Variants in PDXDC1 observed in about 807,000 individuals in gnomAD.
PDXDC1 encodes pyridoxal dependent decarboxylase domain containing 1.
In PDXDC1, 42 loss-of-function variants were observed where a neutral mutation model predicts 100.1. The observed-to-expected ratio is 0.42, with a 90% CI of 0.33 to 0.54. The LOEUF (loss-of-function observed/expected upper bound fraction) is 0.54. Ranked by LOEUF, PDXDC1 falls within the 20% of genes least tolerant of loss-of-function variation. The pLI is 0.10. For synonymous variants in PDXDC1, 260 were observed against 371.7 expected (o/e 0.70, Z 3.46); for missense variants, 636 against 979.2 (o/e 0.65, Z 4.68).
intron 12 of PDXDC1, among the ~76,000 whole-genome samples, chr16:15,021,046 C>G (rs1466691002): frequency 2.0e-5 from 3 of 152,200 alleles, no homozygotes; most frequent in African/African-American, 4.8e-5. Context: ...GCAGTAGTCC[C>G]TTCGTTCATC....
At chr16:14,992,621 G>A (rs375700566) in intron 1 of PDXDC1, among the ~76,000 whole-genome samples, 2 of 152,266 alleles carry the variant, frequency 1.3e-5, no homozygotes, top group East Asian at 3.8e-4. Context: ...TTTAAAATTT[G>A]TCTATTTTAT....
chr16:15,068,689 C>G (rs572278830), intron 16 of PDXDC1, among the ~76,000 whole-genome samples: 5 of 152,282 alleles, frequency 3.3e-5, no homozygotes, highest in Non-Finnish European at 5.9e-5. Flanking sequence ...GTTAGTGAAG[C>G]TGAGTGCTGT....
chr16:15,033,630 G>A (rs936735698), intron 19 of PDXDC1, among the ~76,000 whole-genome samples: 1 of 152,196 alleles, frequency 6.6e-6, no homozygotes, highest in African/African-American at 2.4e-5. Context: ...ACATAGCCAC[G>A]CTGTGTAGTA....
chr16:15,122,925 G>GAGA (rs1211779659), intron 16 of PDXDC1, among the ~76,000 whole-genome samples: 1 of 148,976 alleles, frequency 6.7e-6, no homozygotes, highest in South Asian at 2.2e-4. Context: ...GGAGGAGGAG[G>GAGA]AGAAGAAGAA....
In PDXDC1 at chr16:15,074,747, T is replaced by C. The variant is rs749328608; in HGVS notation, c.1399+44691T>C. 95 of 1,613,824 alleles carry C rather than the reference T, an allele frequency of 5.9e-5. No individual in the cohort carries two copies. In the Admixed American group the frequency reaches 6.2e-4, roughly 10 times the overall value. ...CCATCTACATAGCAGACATCCTTCA[T>C]GTAGGACAAAACCAAAGACATCAGG... On this transcript the variant is annotated intron_variant, in intron 16 of 16. Coordinates refer to the PDXDC1 transcript ENST00000535621.
intron 8 of PDXDC1, among the ~76,000 whole-genome samples, chr16:15,013,894 A>G (rs1349890811): frequency 2.6e-5 from 4 of 151,202 alleles, no homozygotes; most frequent in African/African-American, 9.7e-5. Flanking sequence ...AAAAAAAAAA[A>G]AAATCATACT....
Position 14,997,739 on chromosome 16 carries a change from T to G in PDXDC1, c.22-14T>G, listed in dbSNP as rs1465016601. 1 of 1,597,160 alleles carries G rather than the reference T, an allele frequency of 6.3e-7. No homozygotes were observed. Among genetic ancestry groups the G allele is most frequent in the Non-Finnish European group, 8.5e-7 (1 of 1,176,030 alleles). The stretch of plus-strand genomic sequence containing the variant: ...GATTATTAAAATTTCTTTCTTTTTT[T>G]TTTTGTTTCCCAGATAGCAGACCCC... On this transcript the variant is annotated splice_polypyrimidine_tract_variant and intron_variant, in intron 1 of 22. Transcript: ENST00000396410.
chr16:15,145,346 T>C, the PDXDC1 span, among the ~76,000 whole-genome samples: 2 of 152,230 alleles, frequency 1.3e-5, no homozygotes, highest in African/African-American at 4.8e-5. Flanking sequence ...AGGGCCACGA[T>C]GCACAGTGGA....
intron 16 of PDXDC1, chr16:15,127,593 C>T: frequency 1.0e-5 from 14 of 1,355,086 alleles, no homozygotes; most frequent in Middle Eastern, 2.5e-4. Context: ...ACACATGCCC[C>T]GTGCTGTGTG....
At chr16:15,125,881 C>T (rs557890009) in intron 16 of PDXDC1, 21 of 744,668 alleles carry the variant, frequency 2.8e-5, no homozygotes, top group East Asian at 2.3e-4. Flanking sequence ...GCCACCTCCT[C>T]AGCAGACAGG....
intron 1 of PDXDC1, among the ~76,000 whole-genome samples, chr16:14,980,469 G>A (rs546725201): frequency 7.2e-4 from 109 of 152,344 alleles, no homozygotes; most frequent in African/African-American, 2.5e-3. Flanking sequence ...TGCCACGCCC[G>A]GCTAATTTTT....
At chr16:14,987,045 G>A (rs1969539930) in intron 1 of PDXDC1, among the ~76,000 whole-genome samples, 1 of 152,296 alleles carries the variant, frequency 6.6e-6, no homozygotes, top group Non-Finnish European at 1.5e-5. Flanking sequence ...ACCATGCGTG[G>A]CCATGCTTTC....
chr16:15,125,807 C>T (rs749848340), intron 16 of PDXDC1: 3 of 1,247,898 alleles, frequency 2.4e-6, no homozygotes, highest in South Asian at 2.4e-5. Flanking sequence ...CTCCCAGCCA[C>T]CTGCAGGACG....
At chr16:15,090,287 G>A (rs1015220815) in intron 16 of PDXDC1, among the ~76,000 whole-genome samples, 1 of 152,074 alleles carries the variant, frequency 6.6e-6, no homozygotes, top group Non-Finnish European at 1.5e-5. Flanking sequence ...ACAGTGATAA[G>A]AACAGTGGAC....
intron 16 of PDXDC1, among the ~76,000 whole-genome samples, chr16:15,073,261 G>T (rs1365851380): frequency 6.6e-6 from 1 of 152,130 alleles, no homozygotes; most frequent in African/African-American, 2.4e-5. Context: ...GAGTTCAAGG[G>T]CAGCCTGGGG....
chr16:15,039,320 T>C (rs149030807), downstream of PDXDC1, among the ~76,000 whole-genome samples: 477 of 152,320 alleles, frequency 3.1e-3, 1 homozygote, highest in African/African-American at 0.011. Flanking sequence ...TCCAAACACA[T>C]TTCCCAGTGA....
At chr16:15,134,992 A>T (rs1185244651) in intron 16 of PDXDC1, 2 of 421,036 alleles carry the variant, frequency 4.8e-6, no homozygotes, top group Non-Finnish European at 9.0e-6. Context: ...GGCTGGGGAC[A>T]GTGGCTGCCT....
chr16:14,987,032 G>C (rs1454228686), intron 1 of PDXDC1, among the ~76,000 whole-genome samples: 21 of 152,398 alleles, frequency 1.4e-4, no homozygotes, highest in Non-Finnish European at 2.5e-4. Context: ...ACAGGTGTGA[G>C]CCACCATGCG....
chr16:15,150,352 A>C, the PDXDC1 span, among the ~76,000 whole-genome samples: 1 of 136,518 alleles, frequency 7.3e-6, no homozygotes, highest in Non-Finnish European at 1.6e-5. Context: ...AATAACAATA[A>C]ATAAATAAAT....
Sources: gnomAD v4.1 joint callset for allele counts (sites outside exome capture counted in the v4.1 genomes callset) on GRCh38, gnomAD v4.1.1 for gene constraint, MANE v1.5 for transcripts, NCBI Gene and HGNC (gene_info 2026-07-23, HGNC 2026-07-21) for gene names.